Variants in SHISA6 observed in about 807,000 individuals in gnomAD.
SHISA6 encodes the protein shisa family member 6.
SHISA6 carries 22 observed loss-of-function variants against 47.9 expected under a neutral mutation model. The observed-to-expected ratio is 0.46, with a 90% CI of 0.33 to 0.66. SHISA6 has a LOEUF of 0.66. Among genes scored for constraint, SHISA6 ranks in the 30% least tolerant of loss-of-function variants. SHISA6 has a pLI of 0.02. For missense variants in SHISA6, 680 were observed against 764.6 expected, an observed-to-expected ratio of 0.89 and a Z score of 1.30; for synonymous variants, 388 against 337.8, an observed-to-expected ratio of 1.15 and a Z score of -1.63.
At chr17:11,259,185 G>T (rs921069209) in intron 1 of SHISA6, among the ~76,000 whole-genome samples, 1 of 152,028 alleles carries the variant, frequency 6.6e-6, no homozygotes, top group Admixed American at 6.6e-5. Context: ...GGAGAGATGG[G>T]TGGCTAGATG....
intron 3 of SHISA6, among the ~76,000 whole-genome samples, chr17:11,488,528 G>A (rs1916405123): frequency 1.3e-5 from 2 of 152,104 alleles, no homozygotes; most frequent in Non-Finnish European, 2.9e-5. Flanking sequence ...GGAATTTATG[G>A]CCTCGTTTTA....
chr17:11,273,646 G>T (rs1908763956), intron 2 of SHISA6, among the ~76,000 whole-genome samples: 1 of 152,230 alleles, frequency 6.6e-6, no homozygotes, highest in Admixed American at 6.5e-5. Context: ...TGGGCTAGGA[G>T]CCTTCATTAT....
chr17:11,555,944 C>A (rs2071974821), intron 5 of SHISA6, 52 bp downstream of exon 5: 1 of 1,468,512 alleles, frequency 6.8e-7, no homozygotes, highest in Non-Finnish European at 9.0e-7. Context: ...TCCAAGATAT[C>A]TTCCTATGTC....
At chr17:11,273,142 A>G (rs370401107) in intron 2 of SHISA6, among the ~76,000 whole-genome samples, 6 of 152,240 alleles carry the variant, frequency 3.9e-5, no homozygotes, top group African/African-American at 1.2e-4. Context: ...TGCCCACTTC[A>G]TAGATGAGGA....
chr17:11,404,367 G>T (rs777955546), intron 3 of SHISA6, among the ~76,000 whole-genome samples: 13 of 152,160 alleles, frequency 8.5e-5, no homozygotes, highest in Admixed American at 4.6e-4. Flanking sequence ...CTGGAGTGAG[G>T]GGGGAGACAG....
intron 2 of SHISA6, among the ~76,000 whole-genome samples, chr17:11,303,750 A>G (rs1416966528): frequency 6.6e-6 from 1 of 152,144 alleles, no homozygotes; most frequent in Admixed American, 6.5e-5. Flanking sequence ...CTCTGCCCTC[A>G]ATACCTGCAG....
At chr17:11,529,728 T>C in intron 3 of SHISA6, among the ~76,000 whole-genome samples, 1 of 152,156 alleles carries the variant, frequency 6.6e-6, no homozygotes, top group African/African-American at 2.4e-5. Context: ...AAAAATTAAA[T>C]GATAAGACAA....
chr17:11,433,135 G>T (rs1350832723), intron 3 of SHISA6, among the ~76,000 whole-genome samples: 1 of 152,136 alleles, frequency 6.6e-6, no homozygotes, highest in African/African-American at 2.4e-5. Flanking sequence ...AGAATGTGCA[G>T]GTTTGTTACA....
At chr17:11,244,473 C>T (rs74597141) in intron 1 of SHISA6, among the ~76,000 whole-genome samples, 1,810 of 152,170 alleles carry the variant, frequency 0.012, 35 homozygotes, top group African/African-American at 0.039. Flanking sequence ...TTCCGGGGCA[C>T]GTCAGGGTGA....
intron 2 of SHISA6, chr17:11,288,941 G>T (rs911191175): frequency 1.3e-5 from 2 of 152,160 alleles, no homozygotes; most frequent in African/African-American, 4.8e-5. Context: ...TCTTTGTGTG[G>T]TTTATTTTTG....
intron 3 of SHISA6, among the ~76,000 whole-genome samples, chr17:11,488,854 C>T (rs1916411128): frequency 6.6e-6 from 1 of 152,180 alleles, no homozygotes. Flanking sequence ...CTTCTGAAGC[C>T]ACATGGCCAG....
At chr17:11,527,980 G>T (rs182396716) in intron 3 of SHISA6, among the ~76,000 whole-genome samples, 4 of 152,130 alleles carry the variant, frequency 2.6e-5, no homozygotes, top group Admixed American at 2.0e-4. Flanking sequence ...TTCTCTCAAG[G>T]TTTACTGGTA....
At chr17:11,386,804 G>A (rs992585114) in intron 3 of SHISA6, among the ~76,000 whole-genome samples, 1 of 152,202 alleles carries the variant, frequency 6.6e-6, no homozygotes, top group Non-Finnish European at 1.5e-5. Flanking sequence ...TGTGATCTTT[G>A]CTCAGTGAAA....
intron 2 of SHISA6, among the ~76,000 whole-genome samples, chr17:11,328,284 C>T (rs1910977981): frequency 6.6e-6 from 1 of 152,184 alleles, no homozygotes; most frequent in South Asian, 2.1e-4. Context: ...GCTTTGATCC[C>T]ACCACCAGTA....
chr17:11,333,026 C>T (rs1911183252), intron 2 of SHISA6, among the ~76,000 whole-genome samples: 1 of 152,138 alleles, frequency 6.6e-6, no homozygotes. Flanking sequence ...CGGTGGCTGC[C>T]AGGGGGTGAC....
intron 3 of SHISA6, among the ~76,000 whole-genome samples, chr17:11,523,824 G>A (rs1481334351): frequency 6.6e-6 from 1 of 152,048 alleles, no homozygotes; most frequent in Non-Finnish European, 1.5e-5. Flanking sequence ...TGACCGACAT[G>A]GAGAAACTCT....
At chr17:11,396,219 A>G (rs1419400154) in intron 3 of SHISA6, among the ~76,000 whole-genome samples, 1 of 152,166 alleles carries the variant, frequency 6.6e-6, no homozygotes, top group African/African-American at 2.4e-5. Flanking sequence ...CTAATCTTGC[A>G]GTCTTGGAAT....
chr17:11,378,785 A>G (rs745352017), intron 2 of SHISA6, among the ~76,000 whole-genome samples: 14 of 152,202 alleles, frequency 9.2e-5, no homozygotes, highest in Admixed American at 3.9e-4. Flanking sequence ...TTTTCTCAGT[A>G]TTTTGTAACC....
chr17:11,551,032 G>A (rs888056723), intron 3 of SHISA6, among the ~76,000 whole-genome samples: 7 of 152,198 alleles, frequency 4.6e-5, no homozygotes, highest in Non-Finnish European at 7.3e-5. Flanking sequence ...TGTAACCTGC[G>A]GTTTAGGTAA....
Sources: gnomAD v4.1 joint callset for allele counts (sites outside exome capture counted in the v4.1 genomes callset) on GRCh38, gnomAD v4.1.1 for gene constraint, MANE v1.5 for transcripts, NCBI Gene and HGNC (gene_info 2026-07-23, HGNC 2026-07-21) for gene names.